The following RGL1 variants were observed in gnomAD, a reference collection of about 807,000 sequenced individuals.
RGL1 encodes the protein ral guanine nucleotide dissociation stimulator-like 1.
A neutral mutation model predicts 95.2 loss-of-function variants in RGL1; 24 were observed. That is an observed-to-expected ratio of 0.25 (90% CI 0.18 to 0.35). The LOEUF is 0.35. Ranked by LOEUF, RGL1 falls within the 10% of genes least tolerant of loss-of-function variation. RGL1 has a pLI of 1.00. For synonymous variants in RGL1, 329 were observed against 344.9 expected, an observed-to-expected ratio of 0.95 and a Z score of 0.51; for missense variants, 715 against 936.3, an observed-to-expected ratio of 0.76 and a Z score of 3.08.
chr1:183,911,063 C>T (rs1668613686), intron 14 of RGL1, among the ~76,000 whole-genome samples: 1 of 152,168 alleles, frequency 6.6e-6, no homozygotes, highest in South Asian at 2.1e-4. Flanking sequence ...AATTTTGTAT[C>T]ACGAGTTTAT....
chr1:183,691,062 A>C (rs1653919850), intron 1 of RGL1, among the ~76,000 whole-genome samples: 1 of 152,218 alleles, frequency 6.6e-6, no homozygotes, highest in African/African-American at 2.4e-5. Flanking sequence ...TAAAAATAAA[A>C]AATAAAAATA....
chr1:183,896,288 C>T (rs1035864529), intron 9 of RGL1, among the ~76,000 whole-genome samples: 5 of 152,196 alleles, frequency 3.3e-5, no homozygotes, highest in East Asian at 1.9e-4. Context: ...TGGGCTCAAG[C>T]GACCCTCCTG....
intron 4 of RGL1, 115 bp from the exon 5 acceptor site, chr1:183,880,501 T>C: frequency 1.3e-6 from 1 of 759,394 alleles, no homozygotes; most frequent in Non-Finnish European, 2.2e-6. Flanking sequence ...GAATGATCTG[T>C]TGACCACCCA....
intron 1 of RGL1, among the ~76,000 whole-genome samples, chr1:183,643,288 T>G (rs1650061021): frequency 2.0e-5 from 3 of 150,690 alleles, no homozygotes. Flanking sequence ...ATTTATTTAT[T>G]TATTTATTTA....
intron 1 of RGL1, among the ~76,000 whole-genome samples, chr1:183,720,179 T>G (rs1655928776): frequency 6.6e-6 from 1 of 151,990 alleles, no homozygotes; most frequent in African/African-American, 2.4e-5. Context: ...AAAGGAAAAA[T>G]ACAACTGATG....
chr1:183,756,365 TAGAG>T (rs1156394975), intron 2 of RGL1, among the ~76,000 whole-genome samples: 1 of 152,052 alleles, frequency 6.6e-6, no homozygotes, highest in Non-Finnish European at 1.5e-5. Context: ...AGGGGAGTGT[TAGAG>T]AGAATGTCCT....
rs182220329 is a variant in RGL1, at chr1:183,922,405, C to T, written c.2119+69C>T. On this transcript the variant is annotated intron_variant, in intron 17 of 17. Transcript: ENST00000360851. ...TGGCTAGCACATGTCCACAGTGCTC[C>T]GCGTTTAGAAGGCAGAAAACGGATA... The T allele has an allele frequency of 8.4e-4, 965 of 1,153,090 alleles. 3 individuals carry two copies. Among genetic ancestry groups the T allele is most frequent in the Admixed American group, 1.5e-3 (82 of 52,912 alleles). The allele number at this position is 1,153,090 out of a possible 1,614,324, so 71.4% of individuals were successfully genotyped here.
intron 2 of RGL1, among the ~76,000 whole-genome samples, chr1:183,747,973 T>A (rs1234215923): frequency 6.6e-6 from 1 of 152,206 alleles, no homozygotes; most frequent in Non-Finnish European, 1.5e-5. Flanking sequence ...CTGGGCTTTT[T>A]TTGATTGGTA....
intron 1 of RGL1, among the ~76,000 whole-genome samples, chr1:183,658,515 C>T (rs1041197113): frequency 9.2e-5 from 14 of 152,098 alleles, no homozygotes; most frequent in East Asian, 3.9e-4. Flanking sequence ...GAGGGGTGCC[C>T]GCCATTGCCC....
At chr1:183,728,217 T>G (rs1656421908) in intron 1 of RGL1, among the ~76,000 whole-genome samples, 1 of 152,182 alleles carries the variant, frequency 6.6e-6, no homozygotes, top group African/African-American at 2.4e-5. Flanking sequence ...TCTCAAGCCT[T>G]TGGACTTGGA....
chr1:183,793,419 G>A (rs531726979), intron 2 of RGL1, among the ~76,000 whole-genome samples: 58 of 152,194 alleles, frequency 3.8e-4, no homozygotes, highest in Non-Finnish European at 7.2e-4. Context: ...AAATAGATAA[G>A]TGGGACTATA....
intron 3 of RGL1, among the ~76,000 whole-genome samples, chr1:183,853,079 T>C (rs1251142830): frequency 6.6e-6 from 1 of 152,134 alleles, no homozygotes; most frequent in African/African-American, 2.4e-5. Context: ...CTCATGCTTG[T>C]AATCCCAGCA....
intron 1 of RGL1, among the ~76,000 whole-genome samples, chr1:183,650,571 A>G (rs1650669219): frequency 1.3e-5 from 2 of 152,056 alleles, no homozygotes; most frequent in African/African-American, 4.8e-5. Flanking sequence ...CACAATATTC[A>G]TGGCTAATTA....
chr1:183,729,003 C>T (rs957370067), intron 1 of RGL1, among the ~76,000 whole-genome samples: 1 of 152,132 alleles, frequency 6.6e-6, no homozygotes, highest in African/African-American at 2.4e-5. Flanking sequence ...AATGCTAAAA[C>T]TATACAACTT....
chr1:183,684,499 T>C lies in RGL1; in HGVS notation c.-33+47998T>C, dbSNP rs1378189399. On this transcript the variant is annotated intron_variant, in intron 1 of 18. Transcript: ENST00000304685. ...TGCTGTGCTGGCAGCAAGAATTTTA[T>C]GCCAGTGGATCTTAGCTTTCTGGGC... Among the ~76,000 whole-genome samples the C allele has an allele frequency of 2.0e-5, 3 of 152,192 alleles. No homozygotes were observed. In the South Asian group the frequency reaches 6.2e-4, roughly 31 times the overall value.
chr1:183,839,946 C>T (rs998735420), intron 2 of RGL1, among the ~76,000 whole-genome samples: 1 of 152,124 alleles, frequency 6.6e-6, no homozygotes, highest in African/African-American at 2.4e-5. Context: ...ACATGGGAGC[C>T]TTCAGAAATA....
At chr1:183,759,281 G>T (rs948484792) in intron 2 of RGL1, among the ~76,000 whole-genome samples, 1 of 152,170 alleles carries the variant, frequency 6.6e-6, no homozygotes, top group Admixed American at 6.5e-5. Context: ...TGAGGAAAAG[G>T]CATGCCACGG....
chr1:183,887,173 T>TCC (rs1264782479), intron 7 of RGL1, among the ~76,000 whole-genome samples: 5 of 89,470 alleles, frequency 5.6e-5, no homozygotes, highest in African/African-American at 8.7e-5. Flanking sequence ...CCTCCCTCCC[T>TCC]CTTTTCCTCC....
intron 3 of RGL1, 72 bp from the exon 4 acceptor site, chr1:183,865,924 T>C: frequency 4.1e-6 from 4 of 973,266 alleles, no homozygotes; most frequent in Non-Finnish European, 3.3e-6. Context: ...CACTTTGTAG[T>C]TGAAGTTGAA....
Sources: gnomAD v4.1 joint callset for allele counts (sites outside exome capture counted in the v4.1 genomes callset) on GRCh38, gnomAD v4.1.1 for gene constraint, MANE v1.5 for transcripts, NCBI Gene and HGNC (gene_info 2026-07-23, HGNC 2026-07-21) for gene names.